Variants in CNTNAP3 observed in about 807,000 individuals in gnomAD.
The protein encoded by CNTNAP3 is contactin associated protein family member 3, also known as contactin-associated protein-like 3.
CNTNAP3 carries 36 observed loss-of-function variants against 92.1 expected under a neutral mutation model. That is an observed-to-expected ratio of 0.39 (90% CI 0.30 to 0.52). CNTNAP3 has a LOEUF of 0.52. Among genes scored for constraint, CNTNAP3 ranks in the 20% least tolerant of loss-of-function variants. The pLI, the probability that CNTNAP3 is intolerant of heterozygous loss-of-function variation, is 0.76. For missense variants in CNTNAP3, 534 were observed against 1,069.6 expected (o/e 0.50, Z 6.98); for synonymous variants, 232 against 422.3 (o/e 0.55, Z 5.53).
rs1825573921 is a variant in CNTNAP3, at chr9:39,068,892, C to T, written c.*4998G>A. ...TCCAGTGTACTGAAAACCATAGTTT[C>T]ATATATTTTGTCTGGTTTGAGGTTG... is the stretch of plus-strand genomic sequence containing the variant. On this transcript the variant is annotated 3_prime_UTR_variant, in exon 24 of 24. Coordinates refer to ENST00000297668, the MANE Select transcript of CNTNAP3 (RefSeq NM_033655.5). 6.6e-6 allele frequency among the ~76,000 whole-genome samples: 1 copy of T among 152,306 alleles called. No homozygotes were observed. The highest frequency in any genetic ancestry group is 6.5e-5 in the Admixed American group (1 of 15,294).
chr9:39,108,693 G>A (rs1437684616), intron 15 of CNTNAP3, among the ~76,000 whole-genome samples: 2 of 152,092 alleles, frequency 1.3e-5, no homozygotes, highest in Non-Finnish European at 2.9e-5. Flanking sequence ...GACCATGAAA[G>A]CCACCCATGA....
intron 18 of CNTNAP3, among the ~76,000 whole-genome samples, chr9:39,093,197 G>T (rs1826248914): frequency 9.0e-6 from 1 of 110,534 alleles, no homozygotes; most frequent in African/African-American, 3.3e-5. Context: ...CTCAATCGAT[G>T]AACATTTAAT....
chr9:39,119,305 A>G (rs959926921), intron 13 of CNTNAP3, among the ~76,000 whole-genome samples: 3 of 150,152 alleles, frequency 2.0e-5, no homozygotes, highest in Admixed American at 1.3e-4. Flanking sequence ...TCCATAGATA[A>G]GATCTCTGCA....
At chr9:39,095,354 GTA>G in intron 18 of CNTNAP3, among the ~76,000 whole-genome samples, 1 of 151,682 alleles carries the variant, frequency 6.6e-6, no homozygotes, top group East Asian at 1.9e-4. Flanking sequence ...GGAACTTCCA[GTA>G]CTATGATAAA....
At chr9:39,114,029 CAT>C (rs1243735510) in intron 14 of CNTNAP3, among the ~76,000 whole-genome samples, 5 of 133,718 alleles carry the variant, frequency 3.7e-5, no homozygotes, top group African/African-American at 1.1e-4. Context: ...TATATACACA[CAT>C]ATATACACAC....
chr9:39,120,166 T>C (rs551190884), intron 13 of CNTNAP3, among the ~76,000 whole-genome samples: 90 of 152,184 alleles, frequency 5.9e-4, no homozygotes, highest in African/African-American at 2.0e-3. Flanking sequence ...ATTGAACTTT[T>C]TGGAAACAAA....
chr9:39,101,175 C>A (rs987195543), intron 17 of CNTNAP3, among the ~76,000 whole-genome samples: 33 of 148,694 alleles, frequency 2.2e-4, no homozygotes, highest in Non-Finnish European at 4.0e-4. Flanking sequence ...TTTGAAAAAG[C>A]CTCACTGCAC....
chr9:39,073,956 G>A lies in CNTNAP3; in HGVS notation c.3801C>T (p.Arg1267=), dbSNP rs1328252227. Residue 1267 remains arginine (R), a synonymous_variant, in exon 24 of 24, where the codon CGC becomes CGT. Transcript: ENST00000297668. ...ILLCITAIAI[R]IYQQRKLRKE... The stretch of plus-strand genomic sequence containing the variant: ...TGCGTAACTTTCTCTGTTGATAGAT[G>A]CGTATGGCTATGGCAGTGATGCAAA... The A allele has an allele frequency of 6.3e-7, 1 of 1,597,454 alleles. No individual in the cohort carries two copies. The highest frequency in any genetic ancestry group is 1.1e-5 in the South Asian group (1 of 90,998).
chr9:39,123,059 A>G (rs61160944), intron 13 of CNTNAP3, among the ~76,000 whole-genome samples: 2,608 of 151,852 alleles, frequency 0.017, 73 homozygotes, highest in African/African-American at 0.06. Flanking sequence ...AGAATGAAAA[A>G]TGAAACATAA....
intron 20 of CNTNAP3, 41 bp downstream of exon 20, chr9:39,086,675 A>G (rs754606597): frequency 5.7e-6 from 9 of 1,589,442 alleles, no homozygotes; most frequent in Non-Finnish European, 7.7e-6. Flanking sequence ...TTCTTAAAAT[A>G]ATAATATTAG....
intron 14 of CNTNAP3, among the ~76,000 whole-genome samples, chr9:39,115,592 G>A (rs1351484837): frequency 0.011 from 1,692 of 149,428 alleles, 27 homozygotes; most frequent in South Asian, 0.08. Context: ...ACTGGAAGCT[G>A]CAAAGTAAAT....
intron 14 of CNTNAP3, among the ~76,000 whole-genome samples, chr9:39,116,841 G>A (rs1820869794): frequency 6.6e-6 from 1 of 152,098 alleles, no homozygotes; most frequent in Non-Finnish European, 1.5e-5. Context: ...ATGCAAAGTA[G>A]ACTTTTTATG....
chr9:39,118,815 T>C (rs1416164571), intron 13 of CNTNAP3, among the ~76,000 whole-genome samples: 1 of 152,248 alleles, frequency 6.6e-6, no homozygotes, highest in Non-Finnish European at 1.5e-5. Context: ...ATGACATTGA[T>C]AGGCTTTTCT....
At chr9:39,136,349 A>G (rs1205432808) in intron 12 of CNTNAP3, among the ~76,000 whole-genome samples, 1 of 152,054 alleles carries the variant, frequency 6.6e-6, no homozygotes, top group Non-Finnish European at 1.5e-5. Context: ...AAGAAAGAAA[A>G]TAAGATCCAC....
intron 13 of CNTNAP3, among the ~76,000 whole-genome samples, chr9:39,125,817 G>C (rs1244305069): frequency 6.6e-6 from 1 of 152,096 alleles, no homozygotes; most frequent in Non-Finnish European, 1.5e-5. Flanking sequence ...AGCAACAGAA[G>C]AGTCAAAATA....
At chr9:39,128,102 G>C (rs1439127030) in intron 13 of CNTNAP3, among the ~76,000 whole-genome samples, 1 of 152,160 alleles carries the variant, frequency 6.6e-6, no homozygotes, top group Non-Finnish European at 1.5e-5. Flanking sequence ...GCCTCCCACA[G>C]TGCTGGGATC....
At position 39,104,477 on chromosome 9, in the gene CNTNAP3, TACACACAC is replaced by T. The variant is rs60068368; in HGVS notation, c.2366-571_2366-564del. Among the ~76,000 whole-genome samples, 665 of 123,180 alleles carry T rather than the reference TACACACAC, an allele frequency of 5.4e-3. 1 individual carries two copies. Among genetic ancestry groups the T allele is most frequent in the Middle Eastern group, 0.012 (3 of 248 alleles). The allele number at this position is 123,180 out of a possible 152,430, so 80.8% of individuals were successfully genotyped here. A position where few individuals can be genotyped will look rare whatever the true frequency, so the allele number is the denominator to read the frequency against. On this transcript the variant is annotated intron_variant, in intron 15 of 23. Coordinates refer to ENST00000297668, the MANE Select transcript of CNTNAP3 (RefSeq NM_033655.5). ...TTGCTTTCCTTCCTGCACATACACA[TACACACAC>T]ACACACACACACACACACACACACA... is the stretch of plus-strand genomic sequence containing the variant.
chr9:39,098,010 G>T (rs1025388480), intron 18 of CNTNAP3, among the ~76,000 whole-genome samples: 1 of 150,116 alleles, frequency 6.7e-6, no homozygotes, highest in Non-Finnish European at 1.5e-5. Context: ...TTTAAAAATC[G>T]ATTTGCTTTG....
rs577495455 is a variant in CNTNAP3, at chr9:39,116,067, G to A, written c.2237+2036C>T. Among the ~76,000 whole-genome samples the A allele has an allele frequency of 1.1e-4, 16 of 151,984 alleles. No homozygotes were observed. The South Asian group carries it at 3.1e-3, about 30-fold the overall frequency. On this transcript the variant is annotated intron_variant, in intron 14 of 23. Transcript: ENST00000297668. ...CTCGGGAGGCTGAGGCAGGAGAATC[G>A]CTTGAATCCGGGAGGCGCAGGTTGC...
Sources: allele counts gnomAD v4.1 joint callset (sites outside exome capture counted in the v4.1 genomes callset), GRCh38; gene constraint gnomAD v4.1.1; transcripts MANE v1.5; gene names NCBI Gene and HGNC (gene_info 2026-07-23, HGNC 2026-07-21).